The following FBXL17 variants were observed in gnomAD, a reference collection of about 807,000 sequenced individuals.
FBXL17 encodes F-box/LRR-repeat protein 17.
FBXL17 carries 22 observed loss-of-function variants against 66.2 expected under a neutral mutation model. The observed-to-expected ratio is 0.33, with a 90% confidence interval of 0.24 to 0.47. The LOEUF is 0.47. FBXL17 is among the 20% of genes least tolerant of loss of function. The pLI is 1.00. For missense variants in FBXL17, 878 were observed against 948.2 expected (o/e 0.93, Z 0.97); for synonymous variants, 474 against 400.5 (o/e 1.18, Z -2.19).
intron 4 of FBXL17, among the ~76,000 whole-genome samples, chr5:108,314,255 A>C (rs1463344977): frequency 6.6e-6 from 1 of 151,716 alleles, no homozygotes; most frequent in Admixed American, 6.6e-5. Context: ...TAAAAGAAAA[A>C]AAGGCATCTA....
Position 108,372,003 on chromosome 5 carries a change from T to C in FBXL17, c.994-4050A>G, listed in dbSNP as rs117853411. On this transcript the variant is annotated intron_variant, in intron 1 of 8. Transcript: ENST00000542267. ...AGGTAAGCCTGCTCTCCAATTCTCC[T>C]GTTCCCCAGGGGTTGCCTTGCCCTC... Among the ~76,000 whole-genome samples, 125 of 152,324 alleles carry C rather than the reference T, an allele frequency of 8.2e-4. 1 individual carries two copies. The East Asian group carries it at 0.022, about 27-fold the overall frequency.
At chr5:108,352,791 G>C (rs537181505) in intron 3 of FBXL17, among the ~76,000 whole-genome samples, 4 of 152,318 alleles carry the variant, frequency 2.6e-5, no homozygotes, top group African/African-American at 7.2e-5. Context: ...TTACAGGCGT[G>C]AGCCACTGCG....
intron 6 of FBXL17, among the ~76,000 whole-genome samples, chr5:108,046,303 A>C (rs949314234): frequency 6.6e-6 from 1 of 152,088 alleles, no homozygotes; most frequent in Non-Finnish European, 1.5e-5. Context: ...ATCTTTTCCT[A>C]TCCTTTAACT....
intron 4 of FBXL17, among the ~76,000 whole-genome samples, chr5:108,240,468 C>A (rs1755807301): frequency 6.6e-6 from 1 of 152,128 alleles, no homozygotes; most frequent in Admixed American, 6.5e-5. Flanking sequence ...GAAGAGACTC[C>A]TCTTCTTATG....
At chr5:107,971,701 A>T (rs1022180743) in intron 7 of FBXL17, among the ~76,000 whole-genome samples, 2 of 152,220 alleles carry the variant, frequency 1.3e-5, no homozygotes, top group African/African-American at 2.4e-5. Context: ...TTTAGTTGAT[A>T]AAGTGAAACA....
intron 4 of FBXL17, among the ~76,000 whole-genome samples, chr5:108,320,370 C>A (rs1759561153): frequency 6.6e-6 from 1 of 151,622 alleles, no homozygotes; most frequent in Admixed American, 6.6e-5. Flanking sequence ...ACCAGACAAG[C>A]CTGTCCAATA....
chr5:107,885,042 T>G (rs1260445751), intron 7 of FBXL17, among the ~76,000 whole-genome samples: 1 of 152,192 alleles, frequency 6.6e-6, no homozygotes, highest in African/African-American at 2.4e-5. Context: ...ATCATAAACT[T>G]CTAGTCTGTA....
chr5:108,219,116 G>C (rs192830138), intron 5 of FBXL17, among the ~76,000 whole-genome samples: 3 of 152,220 alleles, frequency 2.0e-5, no homozygotes, highest in Admixed American at 2.0e-4. Flanking sequence ...TCTTCACTTA[G>C]AGTGTCTTTA....
intron 6 of FBXL17, among the ~76,000 whole-genome samples, chr5:108,060,404 C>A (rs1747874458): frequency 6.6e-6 from 1 of 152,234 alleles, no homozygotes; most frequent in Admixed American, 6.5e-5. Context: ...TATTTTATGT[C>A]ATTTGTTCTC....
chr5:107,910,978 C>CT (rs1749932304), intron 7 of FBXL17, among the ~76,000 whole-genome samples: 1 of 152,044 alleles, frequency 6.6e-6, no homozygotes, highest in Non-Finnish European at 1.5e-5. Flanking sequence ...TCAGAAAAAT[C>CT]ATTCTGTGCA....
intron 6 of FBXL17, among the ~76,000 whole-genome samples, chr5:108,079,108 C>G (rs187480924): frequency 6.6e-6 from 1 of 151,886 alleles, no homozygotes. Context: ...CTCAGCCTCC[C>G]AAAGGGGTGG....
intron 4 of FBXL17, among the ~76,000 whole-genome samples, chr5:108,231,038 C>T (rs1464007514): frequency 1.3e-5 from 2 of 152,048 alleles, no homozygotes; most frequent in Non-Finnish European, 2.9e-5. Flanking sequence ...TTCTTATACA[C>T]CTTAAAGTTT....
At position 108,215,377 on chromosome 5, in the gene FBXL17, T is replaced by C. The variant is rs11749587; in HGVS notation, c.1614+8744A>G. Among the ~76,000 whole-genome samples the C allele has an allele frequency of 7.5e-3, 1,150 of 152,346 alleles. 8 individuals carry two copies. The highest frequency in any genetic ancestry group is 0.017 in the Middle Eastern group (5 of 294). On this transcript the variant is annotated intron_variant, in intron 5 of 8. Coordinates refer to ENST00000542267, the MANE Select transcript of FBXL17 (RefSeq NM_001163315.3). ...TCCACTTCTTTGTCAACACTTGCTG[T>C]TGTCCACTTTTTTTATTACAACCAT...
At chr5:108,377,049 T>C (rs2052463) in intron 1 of FBXL17, among the ~76,000 whole-genome samples, 18,543 of 152,260 alleles carry the variant, frequency 0.12, 1,365 homozygotes, top group Admixed American at 0.16. Flanking sequence ...TTAGCCTGGC[T>C]TTCTAGAGAA....
At chr5:108,076,272 T>C (rs1181951662) in intron 6 of FBXL17, among the ~76,000 whole-genome samples, 1 of 152,240 alleles carries the variant, frequency 6.6e-6, no homozygotes, top group Non-Finnish European at 1.5e-5. Flanking sequence ...CCAGGCCCTA[T>C]CTTCCCTGGC....
intron 6 of FBXL17, among the ~76,000 whole-genome samples, chr5:108,083,571 A>AT (rs5870295): frequency 0.77 from 110,094 of 142,422 alleles, 42,647 homozygotes; most frequent in East Asian, 0.91. Flanking sequence ...TTTGTGGCTA[A>AT]TTTTTTTTTT....
chr5:107,994,853 A>G (rs1753409711), intron 7 of FBXL17, among the ~76,000 whole-genome samples: 1 of 152,106 alleles, frequency 6.6e-6, no homozygotes, highest in Non-Finnish European at 1.5e-5. Flanking sequence ...AAACAAAAAC[A>G]AAAACAAAAA....
At chr5:107,876,433 T>C (rs1748615743) in intron 8 of FBXL17, among the ~76,000 whole-genome samples, 1 of 152,094 alleles carries the variant, frequency 6.6e-6, no homozygotes, top group African/African-American at 2.4e-5. Flanking sequence ...TTCACAAGGG[T>C]TTGGCATTTG....
At chr5:108,267,036 A>G (rs1757073381) in intron 4 of FBXL17, among the ~76,000 whole-genome samples, 1 of 152,138 alleles carries the variant, frequency 6.6e-6, no homozygotes, top group Admixed American at 6.6e-5. Context: ...TAATTTTACA[A>G]AAAAATTATT....
Sources: allele counts gnomAD v4.1 joint callset (sites outside exome capture counted in the v4.1 genomes callset), GRCh38; gene constraint gnomAD v4.1.1; transcripts MANE v1.5; gene names NCBI Gene and HGNC (gene_info 2026-07-23, HGNC 2026-07-21).